DNM3: variants seen among roughly 807,000 people sequenced by gnomAD.
DNM3 encodes the protein dynamin-3.
DNM3 carries 47 observed loss-of-function variants against 101.6 expected under a neutral mutation model. The ratio of observed to expected loss-of-function variants is 0.46; its 90% confidence interval spans 0.37 to 0.59. The LOEUF is 0.59. Ranked by LOEUF, DNM3 falls within the 20% of genes least tolerant of loss-of-function variation. DNM3 has a pLI of 0.00. For synonymous variants in DNM3, 385 were observed against 387.9 expected, an observed-to-expected ratio of 0.99 and a Z score of 0.09; for missense variants, 849 against 1,085.7, an observed-to-expected ratio of 0.78 and a Z score of 3.06.
intron 15 of DNM3, among the ~76,000 whole-genome samples, chr1:172,282,756 G>T (rs2063538552): frequency 6.6e-6 from 1 of 152,204 alleles, no homozygotes; most frequent in Admixed American, 6.5e-5. Context: ...TACTTGGAGA[G>T]AGTCTTAGGT....
intron 16 of DNM3, among the ~76,000 whole-genome samples, chr1:172,313,296 G>C (rs2065157773): frequency 6.6e-6 from 1 of 152,132 alleles, no homozygotes; most frequent in African/African-American, 2.4e-5. Flanking sequence ...TATTGTGTGT[G>C]CGTATGTATC....
At chr1:172,325,153 T>A (rs962094115) in intron 17 of DNM3, among the ~76,000 whole-genome samples, 6 of 152,162 alleles carry the variant, frequency 3.9e-5, no homozygotes, top group Non-Finnish European at 7.4e-5. Flanking sequence ...ATTTTACTGA[T>A]TTTCAAGTCA....
chr1:171,873,062 T>C (rs2035441615), intron 1 of DNM3, among the ~76,000 whole-genome samples: 1 of 152,208 alleles, frequency 6.6e-6, no homozygotes, highest in Non-Finnish European at 1.5e-5. Flanking sequence ...AGTTATCAGA[T>C]GGATTTGGAT....
At chr1:172,233,162 CAG>C (rs901442229) in intron 14 of DNM3, among the ~76,000 whole-genome samples, 1 of 151,766 alleles carries the variant, frequency 6.6e-6, no homozygotes, top group African/African-American at 2.4e-5. Flanking sequence ...AAGAAGAAAA[CAG>C]AGAAGAATCA....
At chr1:172,085,800 T>G (rs1242771149) in intron 12 of DNM3, among the ~76,000 whole-genome samples, 1 of 152,216 alleles carries the variant, frequency 6.6e-6, no homozygotes, top group African/African-American at 2.4e-5. Context: ...AATCTTAGTC[T>G]TTCCCTTTAC....
rs60523795 is a variant in DNM3 at position 171,875,813 on chromosome 1, C to CTTTTTTTTTTTTTTTTT, written c.161+34012_161+34013insTTTTTTTTTTTTTTTTT. ...CAAGTCTAAAAAAAGAGTTGTCTCT[C>CTTTTTTTTTTTTTTTTT]TTTTTTTTTTTTTTTTGAGATGGAG... On this transcript the variant is annotated intron_variant, in intron 1 of 20. Transcript: ENST00000627582. Among the ~76,000 whole-genome samples the CTTTTTTTTTTTTTTTTT allele has an allele frequency of 1.5e-4, 16 of 104,670 alleles. 3 individuals are homozygous for CTTTTTTTTTTTTTTTTT. The highest frequency in any genetic ancestry group is 1.7e-4 in the African/African-American group (4 of 23,208). The allele number at this position is 104,670 out of a possible 152,430, so 68.7% of individuals were successfully genotyped here.
chr1:172,005,773 A>C (rs1003506502), intron 4 of DNM3, among the ~76,000 whole-genome samples: 6 of 152,124 alleles, frequency 3.9e-5, no homozygotes, highest in Non-Finnish European at 8.8e-5. Context: ...AGTAGGTCCC[A>C]ACAAAACCAA....
At chr1:172,396,868 G>A (rs1346163641) in intron 20 of DNM3, among the ~76,000 whole-genome samples, 1 of 152,156 alleles carries the variant, frequency 6.6e-6, no homozygotes, top group Non-Finnish European at 1.5e-5. Flanking sequence ...GAGAATAGGA[G>A]ATGAGAAAGA....
intron 14 of DNM3, among the ~76,000 whole-genome samples, chr1:172,216,770 C>CACAA (rs563282628): frequency 2.0e-3 from 297 of 152,138 alleles, no homozygotes; most frequent in African/African-American, 6.9e-3. Flanking sequence ...CACACACACA[C>CACAA]ACACACATGC....
At chr1:172,230,647 T>G (rs972887059) in intron 14 of DNM3, among the ~76,000 whole-genome samples, 1 of 152,186 alleles carries the variant, frequency 6.6e-6, no homozygotes, top group Non-Finnish European at 1.5e-5. Flanking sequence ...ACAGCTTGAA[T>G]GTTAAATGTT....
chr1:172,084,032 AAAT>A (rs766608972), intron 12 of DNM3, among the ~76,000 whole-genome samples: 1 of 152,160 alleles, frequency 6.6e-6, no homozygotes, highest in African/African-American at 2.4e-5. Flanking sequence ...CATCTAATTT[AAAT>A]TGCACACTTA....
At chr1:171,901,768 C>A (rs1027065968) in intron 1 of DNM3, among the ~76,000 whole-genome samples, 1 of 152,058 alleles carries the variant, frequency 6.6e-6, no homozygotes, top group Non-Finnish European at 1.5e-5. Flanking sequence ...GTTTTAAGAA[C>A]GTGAACAAGA....
intron 15 of DNM3, among the ~76,000 whole-genome samples, chr1:172,273,594 G>C (rs1557914326): frequency 6.6e-6 from 1 of 152,018 alleles, no homozygotes; most frequent in African/African-American, 2.4e-5. Context: ...TTAAGGGTGT[G>C]GTAGAAGCAC....
chr1:172,329,097 G>T (rs1481596899), intron 17 of DNM3, among the ~76,000 whole-genome samples: 1 of 151,980 alleles, frequency 6.6e-6, no homozygotes, highest in Non-Finnish European at 1.5e-5. Flanking sequence ...TGTGGTTATG[G>T]TACTGTATGG....
chr1:172,105,771 T>G (rs1021081565), intron 13 of DNM3, among the ~76,000 whole-genome samples: 1 of 152,130 alleles, frequency 6.6e-6, no homozygotes, highest in South Asian at 2.1e-4. Flanking sequence ...GTTTTCCCCC[T>G]TAACTTAGGT....
chr1:171,964,151 A>C (rs567559381), intron 2 of DNM3, among the ~76,000 whole-genome samples: 1 of 152,284 alleles, frequency 6.6e-6, no homozygotes, highest in East Asian at 1.9e-4. Context: ...GGCCCTGCAA[A>C]GCTGTCTCCT....
At chr1:172,091,648 G>C (rs763188326) in intron 12 of DNM3, among the ~76,000 whole-genome samples, 3 of 152,198 alleles carry the variant, frequency 2.0e-5, no homozygotes, top group Non-Finnish European at 4.4e-5. Flanking sequence ...ATGAGTCAAA[G>C]AGGCAGTAGT....
chr1:171,873,777 T>C (rs558025639), intron 1 of DNM3, among the ~76,000 whole-genome samples: 1 of 152,328 alleles, frequency 6.6e-6, no homozygotes, highest in Admixed American at 6.5e-5. Flanking sequence ...AGTAAGAAAA[T>C]ACTGTCCCTT....
chr1:171,866,804 C>T (rs958810736), intron 1 of DNM3, among the ~76,000 whole-genome samples: 70 of 151,722 alleles, frequency 4.6e-4, no homozygotes, highest in African/African-American at 1.7e-3. Context: ...TTATCTGGGT[C>T]CTTAGGTCTT....
Sources: allele counts gnomAD v4.1 joint callset (sites outside exome capture counted in the v4.1 genomes callset), GRCh38; gene constraint gnomAD v4.1.1; transcripts MANE v1.5; gene names NCBI Gene and HGNC (gene_info 2026-07-23, HGNC 2026-07-21).